FRMPD1: variants seen among roughly 807,000 people sequenced by gnomAD.
FRMPD1 encodes FERM and PDZ domain-containing protein 1.
In FRMPD1, 76 loss-of-function variants were observed where a neutral mutation model predicts 117.8. That is an observed-to-expected ratio of 0.65 (90% CI 0.54 to 0.78). The LOEUF (loss-of-function observed/expected upper bound fraction) is 0.78. Ranked by LOEUF, FRMPD1 falls within the 30% of genes least tolerant of loss-of-function variation. The pLI is 0.00. For missense variants in FRMPD1, 1,786 were observed against 1,964.5 expected, an observed-to-expected ratio of 0.91 and a Z score of 1.72; for synonymous variants, 783 against 770.4, an observed-to-expected ratio of 1.02 and a Z score of -0.27.
chr9:37,627,694 T>C, the FRMPD1 span, among the ~76,000 whole-genome samples: 2 of 152,182 alleles, frequency 1.3e-5, no homozygotes, highest in African/African-American at 4.8e-5. Context: ...GGCTATACTT[T>C]TCATTTTAAA....
chr9:37,740,316 G>T lies in FRMPD1; in HGVS notation c.1788G>T (p.Glu596Asp). The change falls in exon 15 of 16, where the codon GAG becomes GAT. Residue 596 changes from glutamate (E) to aspartate (D), a missense_variant. Glu to Asp is a conservative substitution (Grantham distance 45). Transcript: ENST00000377765. The surrounding 1 kb of genome is among the most constrained non-coding windows in gnomAD (Gnocchi z 4.2). ...ESEASDSANT[E>D]SRGYRTSGSS... ...AGGCGTCCGACTCAGCCAACACTGA[G>T]AGCCGCGGCTACAGGACCAGTGGCT... 1 of 1,613,906 alleles carries T rather than the reference G, an allele frequency of 6.2e-7. No homozygotes were observed. The highest frequency in any genetic ancestry group is 8.5e-7 in the Non-Finnish European group (1 of 1,180,016).
chr9:37,686,971 C>G (rs1400504261), intron 1 of FRMPD1, among the ~76,000 whole-genome samples: 1 of 152,202 alleles, frequency 6.6e-6, no homozygotes, highest in Non-Finnish European at 1.5e-5. Context: ...ACCATCTTGC[C>G]TGGCTCTTAG....
At chr9:37,619,714 T>C in the FRMPD1 span, among the ~76,000 whole-genome samples, 12 of 150,196 alleles carry the variant, frequency 8.0e-5, no homozygotes, top group Admixed American at 6.7e-5. Context: ...GCCGAGATTG[T>C]GCCACTGCAC....
In FRMPD1 at chr9:37,744,430, T is replaced by C. The variant is rs764878319; in HGVS notation, c.2398T>C (p.Leu800=). 14 of 1,612,666 alleles carry C rather than the reference T, an allele frequency of 8.7e-6. No individual in the cohort carries two copies. Among genetic ancestry groups the C allele is most frequent in the Non-Finnish European group, 1.2e-5 (14 of 1,179,280 alleles). The change falls in exon 16 of 16, where the codon TTG becomes CTG. Residue 800 remains leucine (L), a synonymous_variant. Coordinates refer to ENST00000377765, the MANE Select transcript of FRMPD1 (RefSeq NM_014907.3). ...TACTGCAGAACCCAGTGCCACAAGC[T>C]TGCAGAATAAGGCCAGCACTTCTAG... The part of the protein sequence containing the change: ...VSTAEPSATS[L]QNKASTSSPE...
intron 7 of FRMPD1, among the ~76,000 whole-genome samples, chr9:37,726,666 C>T (rs958605559): frequency 6.6e-6 from 1 of 151,920 alleles, no homozygotes; most frequent in Non-Finnish European, 1.5e-5. Flanking sequence ...CCACTGCACT[C>T]CAGCCTGGGC....
chr9:37,621,212 A>G, the FRMPD1 span, among the ~76,000 whole-genome samples: 4 of 152,200 alleles, frequency 2.6e-5, no homozygotes, highest in African/African-American at 9.7e-5. Context: ...GTAGACCTTC[A>G]TTAATTGTTC....
chr9:37,608,878 A>T, the FRMPD1 span, among the ~76,000 whole-genome samples: 1 of 152,228 alleles, frequency 6.6e-6, no homozygotes, highest in Non-Finnish European at 1.5e-5. Context: ...AAGCATTATT[A>T]TGTAGGTGTT....
intron 2 of FRMPD1, among the ~76,000 whole-genome samples, chr9:37,696,131 C>T (rs946077793): frequency 7.7e-6 from 1 of 129,900 alleles, no homozygotes; most frequent in Non-Finnish European, 1.6e-5. Flanking sequence ...ACTTGCTGTT[C>T]AGTTGGCCTG....
chr9:37,746,538 C>G lies in FRMPD1; in HGVS notation c.4506C>G (p.Gly1502=). ...TCCAGCACCTGGTCCAGCTGGCCGG[C>G]CTGTGCTTTCAGTTCACAGACTGTA... ...DTFQHLVQLA[G]LCFQFTDCSR... is the part of the protein sequence containing the mutation. The change falls in exon 16 of 16, where the codon GGC becomes GGG. Residue 1502 remains glycine, a synonymous_variant. Coordinates refer to ENST00000377765, the MANE Select transcript of FRMPD1 (RefSeq NM_014907.3). 6.2e-7 allele frequency: 1 copy of G among 1,613,756 alleles called. No individual in the cohort carries two copies. Among genetic ancestry groups the G allele is most frequent in the Non-Finnish European group, 8.5e-7 (1 of 1,179,988 alleles).
At chr9:37,717,145 T>C (rs924963126) in intron 5 of FRMPD1, among the ~76,000 whole-genome samples, 20 of 152,094 alleles carry the variant, frequency 1.3e-4, no homozygotes, top group African/African-American at 4.6e-4. Flanking sequence ...ACTATATCCA[T>C]AGAACCCTGG....
upstream of FRMPD1, among the ~76,000 whole-genome samples, chr9:37,650,799 C>T (rs1820644235): frequency 6.6e-6 from 1 of 150,744 alleles, no homozygotes; most frequent in East Asian, 2.0e-4. Flanking sequence ...ACCTCGGAGC[C>T]AGCGGAGGCG....
chr9:37,676,292 C>T lies in FRMPD1; in HGVS notation c.-4-16346C>T, dbSNP rs537667548. On this transcript the variant is annotated intron_variant, in intron 1 of 15. Transcript: ENST00000377765. The stretch of plus-strand genomic sequence containing the variant: ...AGTTCTGTTTTTCGTTCCTAGAGCT[C>T]GTGTCTCGGGGAGCATCTTGCTGCA... Among the ~76,000 whole-genome samples, 318 of 152,186 alleles carry T rather than the reference C, an allele frequency of 2.1e-3. 3 individuals carry two copies. Among genetic ancestry groups the T allele is most frequent in the African/African-American group, 7.2e-3 (299 of 41,526 alleles).
intron 4 of FRMPD1, among the ~76,000 whole-genome samples, chr9:37,711,115 C>T (rs1376009005): frequency 6.6e-6 from 1 of 152,082 alleles, no homozygotes; most frequent in African/African-American, 2.4e-5. Flanking sequence ...TACGAAAATT[C>T]CCTCCAGGTG....
At chr9:37,712,260 A>T (rs1435099968) in intron 5 of FRMPD1, among the ~76,000 whole-genome samples, 1 of 152,254 alleles carries the variant, frequency 6.6e-6, no homozygotes, top group Non-Finnish European at 1.5e-5. Context: ...ATTTGGAAAT[A>T]AAAATGTAAT....
chr9:37,623,748 A>G, the FRMPD1 span, among the ~76,000 whole-genome samples: 15 of 152,278 alleles, frequency 9.9e-5, no homozygotes, highest in African/African-American at 3.1e-4. Flanking sequence ...GAATTGATTG[A>G]AGGTAGGAGG....
intron 2 of FRMPD1, among the ~76,000 whole-genome samples, chr9:37,702,697 G>C (rs1169383621): frequency 6.6e-6 from 1 of 152,174 alleles, no homozygotes; most frequent in Non-Finnish European, 1.5e-5. Context: ...AGGCAAGGTT[G>C]AGGAGTTTGG....
At chr9:37,629,439 G>A in the FRMPD1 span, among the ~76,000 whole-genome samples, 1 of 152,128 alleles carries the variant, frequency 6.6e-6, no homozygotes, top group African/African-American at 2.4e-5. Context: ...AGTGGAGTGG[G>A]GGCTGCTCTA....
chr9:37,718,630 T>C (rs961586901), intron 5 of FRMPD1, among the ~76,000 whole-genome samples: 5 of 152,148 alleles, frequency 3.3e-5, no homozygotes, highest in Non-Finnish European at 7.4e-5. Context: ...ATTGTGTAGA[T>C]GGGAAGACTC....
At chr9:37,630,963 G>A in the FRMPD1 span, among the ~76,000 whole-genome samples, 1 of 152,156 alleles carries the variant, frequency 6.6e-6, no homozygotes, top group Non-Finnish European at 1.5e-5. Flanking sequence ...TGACCTCAAG[G>A]AGCACACATT....
Sources: allele counts gnomAD v4.1 joint callset (sites outside exome capture counted in the v4.1 genomes callset), GRCh38; gene constraint gnomAD v4.1.1; non-coding constraint Gnocchi (gnomAD v3.1); transcripts MANE v1.5; gene names NCBI Gene and HGNC (gene_info 2026-07-23, HGNC 2026-07-21).